Variants in TAB2 observed in about 807,000 individuals in gnomAD.
TAB2 encodes TGF-beta-activated kinase 1 and MAP3K7-binding protein 2.
Under a neutral mutation model 65.0 loss-of-function variants are expected in TAB2, and 3 were observed. The observed-to-expected ratio is 0.05, with a 90% CI of 0.02 to 0.12. The LOEUF is 0.12. TAB2 is among the 10% of genes least tolerant of loss of function. The pLI, the probability that TAB2 is intolerant of heterozygous loss-of-function variation, is 1.00. For missense variants in TAB2, 623 were observed against 840.3 expected, an observed-to-expected ratio of 0.74 and a Z score of 3.20; for synonymous variants, 298 against 285.1, an observed-to-expected ratio of 1.05 and a Z score of -0.46.
At chr6:149,368,947 A>C (rs1441755681) in intron 1 of TAB2, among the ~76,000 whole-genome samples, 1 of 152,108 alleles carries the variant, frequency 6.6e-6, no homozygotes, top group East Asian at 1.9e-4. Context: ...CTAGATATAC[A>C]ATAATAAAAG....
chr6:149,308,736 C>G (rs1196896638), intron 1 of TAB2, among the ~76,000 whole-genome samples: 1 of 152,074 alleles, frequency 6.6e-6, no homozygotes, highest in Non-Finnish European at 1.5e-5. Flanking sequence ...CCACGTTGAC[C>G]AGGATGGTCT....
intron 1 of TAB2, among the ~76,000 whole-genome samples, chr6:149,318,265 C>A (rs1402809078): frequency 9.3e-6 from 1 of 107,752 alleles, no homozygotes; most frequent in East Asian, 2.7e-4. Context: ...GGCTCCGGGG[C>A]GTCCGTGCGG....
chr6:149,367,467 G>A lies in TAB2; in HGVS notation c.-89-2442G>A, dbSNP rs138152258. ...TGCCATTTTGAATTGAGGGAACAAG[G>A]AGAGGGTAGAAGATGAAGTTAGAGG... On this transcript the variant is annotated intron_variant, in intron 1 of 6. Transcript: ENST00000637181. 5.0e-3 allele frequency among the ~76,000 whole-genome samples: 756 copies of A among 152,214 alleles called. 6 individuals carry two copies. The highest frequency in any genetic ancestry group is 0.017 in the African/African-American group (715 of 41,552).
intron 1 of TAB2, among the ~76,000 whole-genome samples, chr6:149,332,552 A>C (rs963347314): frequency 6.6e-6 from 1 of 152,146 alleles, no homozygotes; most frequent in Non-Finnish European, 1.5e-5. Context: ...AATGGCTGTT[A>C]ACAGTGGTCA....
Position 149,379,094 on chromosome 6 carries a change from T to C in TAB2, c.1179T>C (p.Ala393=). The change falls in exon 3 of 7, where the codon GCT becomes GCC. Residue 393 remains alanine, a synonymous_variant. Coordinates refer to ENST00000637181, the MANE Select transcript of TAB2 (RefSeq NM_001292034.3). ...CTAAGGTCTATATTTCAGCGAATGC[T>C]GCCACAGGAGATGAACAGGTCATGC... The part of the protein sequence containing the change: ...SQPKVYISAN[A]ATGDEQVMRN... 1 of 1,614,192 alleles carries C rather than the reference T, an allele frequency of 6.2e-7. No individual in the cohort carries two copies. The highest frequency in any genetic ancestry group is 8.5e-7 in the Non-Finnish European group (1 of 1,180,044).
chr6:149,361,187 C>T (rs962117107), intron 1 of TAB2, among the ~76,000 whole-genome samples: 2 of 152,344 alleles, frequency 1.3e-5, no homozygotes, highest in East Asian at 3.9e-4. Context: ...CCACATTTTC[C>T]CTCCCTACAG....
intron 3 of TAB2, among the ~76,000 whole-genome samples, chr6:149,387,951 G>C (rs766435927): frequency 9.2e-5 from 14 of 152,132 alleles, no homozygotes; most frequent in Non-Finnish European, 1.6e-4. Context: ...TTTATGAACA[G>C]TGCTGCAATA....
chr6:149,290,993 A>T (rs1778766811), intron 1 of TAB2, among the ~76,000 whole-genome samples: 1 of 152,270 alleles, frequency 6.6e-6, no homozygotes, highest in Admixed American at 6.5e-5. Context: ...TAGCTAAAAC[A>T]AAGTTATACT....
intron 1 of TAB2, among the ~76,000 whole-genome samples, chr6:149,219,831 T>C (rs534461760): frequency 2.4e-4 from 36 of 152,196 alleles, no homozygotes; most frequent in Non-Finnish European, 4.3e-4. Context: ...ACCCTTACCG[T>C]ACTCTGTAGA....
chr6:149,393,144 C>T (rs1426326866), intron 3 of TAB2, among the ~76,000 whole-genome samples: 2 of 152,130 alleles, frequency 1.3e-5, no homozygotes, highest in Non-Finnish European at 2.9e-5. Context: ...GAACCACTTT[C>T]CTAGTATATT....
chr6:149,369,822 A>C, intron 1 of TAB2, 87 bp from the exon 2 acceptor site: 2 of 630,940 alleles, frequency 3.2e-6, no homozygotes. Context: ...GCTAAAGCAC[A>C]TATTCTTTTG....
intron 6 of TAB2, among the ~76,000 whole-genome samples, chr6:149,408,303 G>A (rs1353779875): frequency 6.6e-6 from 1 of 152,084 alleles, no homozygotes; most frequent in African/African-American, 2.4e-5. Flanking sequence ...GGAAAATACT[G>A]TATAAACACC....
At chr6:149,341,214 A>G (rs1055450286) in intron 1 of TAB2, among the ~76,000 whole-genome samples, 8 of 152,134 alleles carry the variant, frequency 5.3e-5, no homozygotes, top group Admixed American at 1.3e-4. Flanking sequence ...AATTCTTTTT[A>G]TATCCTAAAT....
intron 3 of TAB2, among the ~76,000 whole-genome samples, chr6:149,384,217 C>T (rs1311247965): frequency 6.6e-6 from 1 of 152,202 alleles, no homozygotes; most frequent in African/African-American, 2.4e-5. Flanking sequence ...GAGAAGGGAA[C>T]ATACGTACAT....
intron 1 of TAB2, among the ~76,000 whole-genome samples, chr6:149,290,096 A>T (rs534303): frequency 0.36 from 55,002 of 152,036 alleles, 10,006 homozygotes; most frequent in East Asian, 0.42. Context: ...TATTAGACTT[A>T]AAAAGAGCCT....
rs770018219 is a variant in TAB2 at position 149,360,360 on chromosome 6, C to G, written c.-89-9549C>G. 4.6e-5 allele frequency among the ~76,000 whole-genome samples: 7 copies of G among 152,132 alleles called. No homozygotes were observed. The East Asian group carries it at 1.3e-3, about 29-fold the overall frequency. ...ATCGGCTCACCTTTTGGTGGGGCTT[C>G]AGGAAGCTTACAATCATGGCCGAAG... On this transcript the variant is annotated intron_variant, in intron 1 of 6. Transcript: ENST00000637181.
At chr6:149,266,500 G>A (rs1044330794) in intron 1 of TAB2, among the ~76,000 whole-genome samples, 1 of 152,260 alleles carries the variant, frequency 6.6e-6, no homozygotes, top group East Asian at 1.9e-4. Context: ...TCCCTGTGTA[G>A]GCTTACATAA....
rs1490716055 is a variant in TAB2 at position 149,357,419 on chromosome 6, G to GAAA, written c.-89-12489_-89-12488insAAA. On this transcript the variant is annotated intron_variant, in intron 1 of 6. Transcript: ENST00000637181. ...CAATAGAGGGAGACTCCGTCTCAAG[G>GAAA]AGAAAAAAAAAACACACACACACAC... Among the ~76,000 whole-genome samples, 77 of 91,862 alleles carry GAAA rather than the reference G, an allele frequency of 8.4e-4. 1 individual carries two copies. Among genetic ancestry groups the GAAA allele is most frequent in the South Asian group, 2.5e-3 (6 of 2,368 alleles). 60.3% of individuals were successfully genotyped at this position (91,862 alleles called of 152,430 possible).
At chr6:149,309,059 T>C (rs1308318366) in intron 1 of TAB2, among the ~76,000 whole-genome samples, 1 of 152,156 alleles carries the variant, frequency 6.6e-6, no homozygotes, top group Non-Finnish European at 1.5e-5. Context: ...GCTCATCATA[T>C]ATGTTCTAAG....
Sources: gnomAD v4.1 joint callset for allele counts (sites outside exome capture counted in the v4.1 genomes callset) on GRCh38, gnomAD v4.1.1 for gene constraint, MANE v1.5 for transcripts, NCBI Gene and HGNC (gene_info 2026-07-23, HGNC 2026-07-21) for gene names.